HPSE2: variants seen among roughly 807,000 people sequenced by gnomAD.
HPSE2 encodes the protein heparanase 2 (inactive), also known as inactive heparanase-2.
HPSE2 carries 38 observed loss-of-function variants against 60.5 expected under a neutral mutation model. That is an observed-to-expected ratio of 0.63 (90% CI 0.48 to 0.82). The LOEUF is 0.82. Ranked by LOEUF, HPSE2 falls within the 40% of genes least tolerant of loss-of-function variation. HPSE2 has a pLI of 0.00. For synonymous variants in HPSE2, 295 were observed against 293.2 expected, an observed-to-expected ratio of 1.01 and a Z score of -0.06; for missense variants, 713 against 740.4, an observed-to-expected ratio of 0.96 and a Z score of 0.43.
intron 3 of HPSE2, among the ~76,000 whole-genome samples, chr10:98,875,068 A>G (rs937662539): frequency 2.6e-5 from 4 of 151,850 alleles, no homozygotes; most frequent in African/African-American, 9.7e-5. Flanking sequence ...GGCCCACATT[A>G]GAAAGCTAGA....
At chr10:99,285,523 T>TG in the HPSE2 span, among the ~76,000 whole-genome samples, 4 of 17,972 alleles carry the variant, frequency 2.2e-4, no homozygotes, top group Non-Finnish European at 4.1e-4. Flanking sequence ...AGGAGTAGGG[T>TG]GGAGGGAGGG....
At chr10:98,655,307 A>AT (rs761177936) in intron 6 of HPSE2, among the ~76,000 whole-genome samples, 60 of 152,026 alleles carry the variant, frequency 3.9e-4, no homozygotes, top group Non-Finnish European at 7.6e-4. Flanking sequence ...TTACTAGGAA[A>AT]CCTTTTTTGG....
chr10:99,266,120 T>C, the HPSE2 span, among the ~76,000 whole-genome samples: 1 of 152,160 alleles, frequency 6.6e-6, no homozygotes, highest in Non-Finnish European at 1.5e-5. Flanking sequence ...TAACACGAAG[T>C]TTCCCGGACA....
At chr10:98,991,475 A>C (rs1442757757) in intron 3 of HPSE2, among the ~76,000 whole-genome samples, 1 of 152,132 alleles carries the variant, frequency 6.6e-6, no homozygotes, top group African/African-American at 2.4e-5. Context: ...CAAATAAGAG[A>C]GTAGGAGAAG....
intron 5 of HPSE2, among the ~76,000 whole-genome samples, chr10:98,695,292 G>T (rs1257053602): frequency 6.6e-6 from 1 of 152,180 alleles, no homozygotes; most frequent in Non-Finnish European, 1.5e-5. Context: ...GACGAGGACG[G>T]AGGATGAGAA....
At chr10:98,476,244 G>T (rs1194327937) in intron 11 of HPSE2, among the ~76,000 whole-genome samples, 1 of 146,586 alleles carries the variant, frequency 6.8e-6, no homozygotes, top group African/African-American at 2.6e-5. Context: ...AACACTGCAT[G>T]TTCTCACTCA....
intron 6 of HPSE2, among the ~76,000 whole-genome samples, chr10:98,651,272 G>A (rs541723964): frequency 2.4e-4 from 37 of 152,328 alleles, no homozygotes; most frequent in African/African-American, 8.7e-4. Flanking sequence ...AAGCATGTGT[G>A]TAGATGTGTG....
At chr10:99,287,431 G>C in the HPSE2 span, among the ~76,000 whole-genome samples, 19 of 152,092 alleles carry the variant, frequency 1.2e-4, no homozygotes, top group African/African-American at 3.9e-4. Context: ...AGGAGTCCCA[G>C]TTGAGCAGAA....
At chr10:98,990,806 C>T (rs1432757773) in intron 3 of HPSE2, among the ~76,000 whole-genome samples, 1 of 152,154 alleles carries the variant, frequency 6.6e-6, no homozygotes, top group Non-Finnish European at 1.5e-5. Context: ...TAGAGTCTAT[C>T]CTATTTAATA....
intron 3 of HPSE2, among the ~76,000 whole-genome samples, chr10:98,915,138 T>C (rs1954082891): frequency 6.6e-6 from 1 of 151,982 alleles, no homozygotes; most frequent in Non-Finnish European, 1.5e-5. Context: ...GTTCTACAGT[T>C]TTCTAAATTT....
At chr10:98,580,382 T>C (rs1394208411) in intron 9 of HPSE2, among the ~76,000 whole-genome samples, 4 of 149,794 alleles carry the variant, frequency 2.7e-5, no homozygotes, top group African/African-American at 9.8e-5. Context: ...CCACATCTAC[T>C]AGTGAAATAG....
At position 98,481,999 on chromosome 10, in the gene HPSE2, G is replaced by A. The variant is rs182136488; in HGVS notation, c.1613+637C>T. On this transcript the variant is annotated intron_variant, in intron 11 of 11. Transcript: ENST00000370552. ...GGGAGGCAGGGAGTGTCACAGAATC[G>A]TTTATTTGTAGAGTTTTGAAAGGGT... Among the ~76,000 whole-genome samples the A allele has an allele frequency of 1.2e-4, 19 of 152,212 alleles. No homozygotes were observed. The East Asian group carries it at 2.3e-3, about 19-fold the overall frequency.
At chr10:99,230,210 T>C (rs564198171) in intron 2 of HPSE2, among the ~76,000 whole-genome samples, 5 of 152,206 alleles carry the variant, frequency 3.3e-5, no homozygotes, top group South Asian at 2.1e-4. Context: ...GTAGTCTAGA[T>C]AAAAAACAGC....
At chr10:98,761,794 A>C (rs1443766989) in intron 3 of HPSE2, among the ~76,000 whole-genome samples, 1 of 152,180 alleles carries the variant, frequency 6.6e-6, no homozygotes, top group East Asian at 1.9e-4. Flanking sequence ...GGTGAGTTTC[A>C]TGGTCTTATG....
At chr10:98,618,456 C>A (rs947904627) in intron 8 of HPSE2, among the ~76,000 whole-genome samples, 9 of 152,272 alleles carry the variant, frequency 5.9e-5, no homozygotes, top group Admixed American at 5.2e-4. Context: ...ATAGTGAGTG[C>A]TGAGCAAATG....
chr10:99,301,329 G>A, the HPSE2 span, among the ~76,000 whole-genome samples: 1 of 152,116 alleles, frequency 6.6e-6, no homozygotes, highest in Non-Finnish European at 1.5e-5. Context: ...GCTCTACTAG[G>A]GAAGACTCTG....
At chr10:98,942,929 T>C (rs1473699147) in intron 3 of HPSE2, among the ~76,000 whole-genome samples, 1 of 151,556 alleles carries the variant, frequency 6.6e-6, no homozygotes, top group Admixed American at 6.6e-5. Flanking sequence ...ATGTCCTTTG[T>C]AGGGACATGG....
intron 3 of HPSE2, among the ~76,000 whole-genome samples, chr10:98,879,493 T>C (rs1379947779): frequency 6.6e-6 from 1 of 152,056 alleles, no homozygotes; most frequent in Non-Finnish European, 1.5e-5. Context: ...GGACGCACTT[T>C]TTCCTCCCTT....
chr10:99,154,636 C>T (rs532563787), intron 2 of HPSE2, among the ~76,000 whole-genome samples: 40 of 151,782 alleles, frequency 2.6e-4, no homozygotes, highest in African/African-American at 8.5e-4. Context: ...CGGTACCAGC[C>T]GCTGCAAAAT....
Sources: allele counts gnomAD v4.1 joint callset (sites outside exome capture counted in the v4.1 genomes callset), GRCh38; gene constraint gnomAD v4.1.1; transcripts MANE v1.5; gene names NCBI Gene and HGNC (gene_info 2026-07-23, HGNC 2026-07-21).